SUGP1: variants seen among roughly 807,000 people sequenced by gnomAD.
SUGP1 encodes SURP and G-patch domain containing 1, also known as SURP and G-patch domain-containing protein 1.
Under a neutral mutation model 76.5 loss-of-function variants are expected in SUGP1, and 34 were observed. The observed-to-expected ratio is 0.44, with a 90% CI of 0.34 to 0.59. The LOEUF (loss-of-function observed/expected upper bound fraction) is 0.59, where lower values mean the gene tolerates loss of function less well. Ranked by LOEUF, SUGP1 falls within the 20% of genes least tolerant of loss-of-function variation. The pLI, the probability that SUGP1 is intolerant of heterozygous loss-of-function variation, is 0.01. For missense variants in SUGP1, 752 were observed against 851.7 expected, an observed-to-expected ratio of 0.88 and a Z score of 1.46; for synonymous variants, 326 against 326.2, an observed-to-expected ratio of 1.00 and a Z score of 0.01.
intron 8 of SUGP1, 120 bp downstream of exon 8, chr19:19,296,869 T>C (rs1250905627): frequency 7.9e-6 from 7 of 881,034 alleles, no homozygotes; most frequent in African/African-American, 1.7e-5. Flanking sequence ...GTGGAAGATA[T>C]GGCCACAGAA....
At position 19,279,389 on chromosome 19, in the gene SUGP1, A is replaced by G; in HGVS notation, c.1352T>C (p.Met451Thr). 1 of 1,600,040 alleles carries G rather than the reference A, an allele frequency of 6.2e-7. No individual in the cohort carries two copies. Residue 451 changes from methionine to threonine, a missense_variant and splice_region_variant, in exon 10 of 14, where the codon ATG becomes ACG. Transcript: ENST00000247001. ...CATGATCATGTCGTACATCTGCTGC[A>G]TCTGCAGGGCACACTCGCCAGTGAG... ...QKKQLKEQQE[M>T]QQMYDMIMQH...
Position 19,276,611 on chromosome 19 carries a change from C to T in SUGP1, c.*37G>A, listed in dbSNP as rs750794839. 34 of 1,613,366 alleles carry T rather than the reference C, an allele frequency of 2.1e-5. No homozygotes were observed. The highest frequency in any genetic ancestry group is 6.7e-5 in the Admixed American group (4 of 59,982). ...GCCGGAACATTCCACAGTCCAGGGA[C>T]GGTTGGTCATTCAGAAAGTATGTAT... On this transcript the variant is annotated 3_prime_UTR_variant, in exon 14 of 14. Transcript: ENST00000247001.
Position 19,276,995 on chromosome 19 carries a change from C to G in SUGP1, c.1863G>C (p.Ala621=), listed in dbSNP as rs200033194. Reference sequence around the variant, plus strand: ...AGGCCAGCATCATCCTCTTGCGGAACGCCTCATACTCGTCGTCCTCCTTGG... The same window carrying G: ...AGGCCAGCATCATCCTCTTGCGGAAGGCCTCATACTCGTCGTCCTCCTTGG... ...ELSKEDDEYE[A]FRKRMMLAYR... The change falls in exon 13 of 14, where the codon GCG becomes GCC. Residue 621 remains alanine (A), a synonymous_variant. Transcript: ENST00000247001. The G allele has an allele frequency of 2.5e-6, 4 of 1,612,966 alleles. No individual in the cohort carries two copies. The highest frequency in any genetic ancestry group is 3.4e-6 in the Non-Finnish European group (4 of 1,180,032).
intron 8 of SUGP1, among the ~76,000 whole-genome samples, chr19:19,294,212 TG>T (rs1277133221): frequency 1.4e-5 from 2 of 141,802 alleles, no homozygotes; most frequent in East Asian, 4.3e-4. Flanking sequence ...AGAATAAAGT[TG>T]GAAAAATTAA....
chr19:19,285,820 C>A (rs1225796863), intron 8 of SUGP1, among the ~76,000 whole-genome samples: 5 of 152,274 alleles, frequency 3.3e-5, no homozygotes, highest in African/African-American at 1.2e-4. Context: ...CCACCTCGGC[C>A]TCCCAAAGCA....
intron 3 of SUGP1, among the ~76,000 whole-genome samples, chr19:19,308,618 T>C (rs1261593492): frequency 1.3e-5 from 2 of 152,268 alleles, no homozygotes; most frequent in Admixed American, 6.5e-5. Flanking sequence ...TATTGTTCTC[T>C]GATGCAGCTC....
intron 1 of SUGP1, among the ~76,000 whole-genome samples, chr19:19,317,803 A>G (rs2061405382): frequency 7.2e-6 from 1 of 139,140 alleles, no homozygotes; most frequent in Non-Finnish European, 1.5e-5. Context: ...ACCGTGCCCC[A>G]GTGGCTTTTT....
chr19:19,282,180 A>T (rs1344570625), intron 8 of SUGP1, among the ~76,000 whole-genome samples: 1 of 152,022 alleles, frequency 6.6e-6, no homozygotes, highest in Admixed American at 6.5e-5. Flanking sequence ...GAGTTTCACC[A>T]TATTAGTCAG....
chr19:19,320,276 C>G (rs559942486), intron 1 of SUGP1, among the ~76,000 whole-genome samples, 187 bp downstream of exon 1: 1 of 152,182 alleles, frequency 6.6e-6, no homozygotes, highest in Admixed American at 6.5e-5. Flanking sequence ...GCAAACCAAG[C>G]GGGGGCGGCC....
intron 8 of SUGP1, among the ~76,000 whole-genome samples, chr19:19,281,989 A>C (rs530949507): frequency 6.6e-6 from 1 of 151,804 alleles, no homozygotes; most frequent in East Asian, 2.0e-4. Context: ...ACTTTCTTTC[A>C]TTTTTCCCGA....
chr19:19,297,415 A>AGTTCTGGCCTTCTGGGCAGGAGCG, intron 7 of SUGP1, 71 bp from the exon 8 acceptor site: 1 of 1,344,324 alleles, frequency 7.4e-7, no homozygotes, highest in Non-Finnish European at 1.0e-6. Flanking sequence ...GGGCAGGAGC[A>AGTTCTGGCCTTCTGGGCAGGAGCG]GTTCTGGCCT....
Position 19,311,084 on chromosome 19 carries a change from A to G in SUGP1, c.207-884T>C, listed in dbSNP as rs1469625579. 6.1e-5 allele frequency among the ~76,000 whole-genome samples: 9 copies of G among 146,458 alleles called. No individual in the cohort carries two copies. In the East Asian group the frequency reaches 1.8e-3, roughly 29 times the overall value. ...TTTTTTTTTTTTTGGTAGAGGTAACATCTCACTATGTTGCCTAGGCTGGTC... is the reference window on the plus strand; with the variant it reads ...TTTTTTTTTTTTTGGTAGAGGTAACGTCTCACTATGTTGCCTAGGCTGGTC... On this transcript the variant is annotated intron_variant, in intron 2 of 13. Transcript: ENST00000247001.
intron 13 of SUGP1, 49 bp downstream of exon 13, chr19:19,276,898 C>T (rs762291935): frequency 1.9e-6 from 3 of 1,606,142 alleles, no homozygotes; most frequent in Non-Finnish European, 2.5e-6. Flanking sequence ...TTCCTACCAC[C>T]ACCCTCTCCT....
At chr19:19,305,392 AAG>A (rs1202454576) in intron 4 of SUGP1, among the ~76,000 whole-genome samples, 2 of 152,184 alleles carry the variant, frequency 1.3e-5, no homozygotes, top group African/African-American at 4.8e-5. Flanking sequence ...CCAGGGATAG[AAG>A]AGAGCACCCT....
chr19:19,315,508 C>T (rs80146298), intron 2 of SUGP1, among the ~76,000 whole-genome samples: 16,519 of 152,228 alleles, frequency 0.11, 1,184 homozygotes, highest in Middle Eastern at 0.27. Flanking sequence ...CCTTGGTGCC[C>T]TCAGTGTTTC....
At chr19:19,313,923 G>C (rs1336543428) in intron 2 of SUGP1, among the ~76,000 whole-genome samples, 1 of 152,030 alleles carries the variant, frequency 6.6e-6, no homozygotes, top group Non-Finnish European at 1.5e-5. Context: ...GGAACAACCT[G>C]AGGCCAGGAG....
intron 8 of SUGP1, among the ~76,000 whole-genome samples, chr19:19,292,834 T>C (rs2061196391): frequency 6.6e-6 from 1 of 152,164 alleles, no homozygotes; most frequent in Admixed American, 6.5e-5. Flanking sequence ...GGCTCAACAT[T>C]TGAAAATCAA....
Position 19,276,996 on chromosome 19 carries a change from G to A in SUGP1, c.1862C>T (p.Ala621Val), listed in dbSNP as rs776841011. The A allele has an allele frequency of 4.3e-5, 69 of 1,612,934 alleles. No homozygotes were observed. Among genetic ancestry groups the A allele is most frequent in the East Asian group, 1.8e-4 (8 of 44,890 alleles). The change falls in exon 13 of 14, where the codon GCG (alanine) becomes GTG (valine). Residue 621 changes from alanine (A) to valine (V), a missense_variant. This residue lies in a region of SUGP1 where 132 missense variants were observed against 234.4 expected (regional missense o/e 0.56). Transcript: ENST00000247001. ...GGCCAGCATCATCCTCTTGCGGAAC[G>A]CCTCATACTCGTCGTCCTCCTTGGA... is the stretch of plus-strand genomic sequence containing the variant. Reference protein sequence around the residue: ...ELSKEDDEYEAFRKRMMLAYR... With the variant: ...ELSKEDDEYEVFRKRMMLAYR...
At chr19:19,300,260 GA>G (rs1485598882) in intron 7 of SUGP1, among the ~76,000 whole-genome samples, 1 of 151,626 alleles carries the variant, frequency 6.6e-6, no homozygotes, top group Non-Finnish European at 1.5e-5. Flanking sequence ...ATTTTTAGTA[GA>G]GATGGGGTTT....
Sources: gnomAD v4.1 joint callset for allele counts (sites outside exome capture counted in the v4.1 genomes callset) on GRCh38, gnomAD v4.1.1 for gene constraint, gnomAD v4.1.1 regional missense constraint, MANE v1.5 for transcripts, NCBI Gene and HGNC (gene_info 2026-07-23, HGNC 2026-07-21) for gene names.